Variants in PXDNL observed in about 807,000 individuals in gnomAD.
PXDNL encodes the protein peroxidasin like.
In PXDNL, 145 loss-of-function variants were observed where a neutral mutation model predicts 150.8. The ratio of observed to expected loss-of-function variants is 0.96; its 90% CI spans 0.84 to 1.10. The LOEUF is 1.10. PXDNL is among the 50% of genes least tolerant of loss of function. The probability of loss-of-function intolerance (pLI) is 0.00; values close to 1 mark genes in which losing one functional copy is unlikely to be tolerated. For missense variants in PXDNL, 2,087 were observed against 1,873.9 expected (o/e 1.11, Z -2.10); for synonymous variants, 757 against 725.7 (o/e 1.04, Z -0.69).
rs763172161 is a variant in PXDNL at position 51,744,119 on chromosome 8, A to AAAGAAAGAAAGAAAGAAAGGAAGG, written c.164+65061_164+65062insCCTTCCTTTCTTTCTTTCTTTCTT. 4.2e-4 allele frequency among the ~76,000 whole-genome samples: 15 copies of AAAGAAAGAAAGAAAGAAAGGAAGG among 36,050 alleles called. 1 individual carries two copies. Among genetic ancestry groups the AAAGAAAGAAAGAAAGAAAGGAAGG allele is most frequent in the South Asian group, 1.6e-3 (1 of 640 alleles). 23.7% of individuals were successfully genotyped at this position (36,050 alleles called of 152,430 possible). A position where few individuals can be genotyped will look rare whatever the true frequency, so the allele number is the denominator to read the frequency against. On this transcript the variant is annotated intron_variant, in intron 1 of 22. Transcript: ENST00000356297. Reference sequence around the variant, plus strand: ...GAAAGAAAGAAAGAAAGAAAGAAAGAAAGGAAGAAAGAGAAAGGAAGGAAG... The same window carrying AAAGAAAGAAAGAAAGAAAGGAAGG: ...GAAAGAAAGAAAGAAAGAAAGAAAGAAAGAAAGAAAGAAAGAAAGGAAGGAAGGAAGAAAGAGAAAGGAAGGAAG...
At chr8:51,632,330 G>T (rs1461129383) in intron 2 of PXDNL, among the ~76,000 whole-genome samples, 1 of 152,164 alleles carries the variant, frequency 6.6e-6, no homozygotes, top group Non-Finnish European at 1.5e-5. Flanking sequence ...GCAGGGTGGG[G>T]TGGCTCATGC....
chr8:51,804,434 AT>A (rs1001883991), intron 1 of PXDNL, among the ~76,000 whole-genome samples: 9 of 151,452 alleles, frequency 5.9e-5, no homozygotes, highest in Non-Finnish European at 8.8e-5. Context: ...CCATGATTCA[AT>A]TTTTTTTCTC....
At chr8:51,467,182 T>C (rs900045372) in intron 8 of PXDNL, among the ~76,000 whole-genome samples, 3 of 152,212 alleles carry the variant, frequency 2.0e-5, no homozygotes, top group Non-Finnish European at 4.4e-5. Flanking sequence ...ATGTACTACA[T>C]ACACACCTTG....
chr8:51,684,629 A>G (rs111919095), intron 1 of PXDNL, among the ~76,000 whole-genome samples: 2,067 of 152,324 alleles, frequency 0.014, 28 homozygotes, highest in South Asian at 0.045. Context: ...GACTTAATAA[A>G]TGGGAGTTTA....
At chr8:51,601,617 T>C (rs1401644385) in intron 2 of PXDNL, among the ~76,000 whole-genome samples, 1 of 152,104 alleles carries the variant, frequency 6.6e-6, no homozygotes, top group Non-Finnish European at 1.5e-5. Context: ...TCATCATGTC[T>C]GAGTTGAATC....
intron 2 of PXDNL, among the ~76,000 whole-genome samples, chr8:51,608,002 G>GAAGAAAGAAAGAGAAAGAAAGA (rs1381274367): frequency 3.1e-5 from 2 of 64,690 alleles, no homozygotes; most frequent in African/African-American, 1.7e-4. Context: ...AGGAAGGAAG[G>GAAGAAAGAAAGAGAAAGAAAGA]AAGAAAGAAA....
intron 3 of PXDNL, among the ~76,000 whole-genome samples, chr8:51,574,644 T>TA (rs1246862471): frequency 6.6e-6 from 1 of 150,454 alleles, no homozygotes; most frequent in East Asian, 2.0e-4. Flanking sequence ...ATCAGAAAAC[T>TA]AAAAAAAAAG....
intron 1 of PXDNL, among the ~76,000 whole-genome samples, chr8:51,656,062 AAGG>A (rs1815143733): frequency 6.6e-6 from 1 of 152,236 alleles, no homozygotes; most frequent in African/African-American, 2.4e-5. Flanking sequence ...TGTTAGGCCC[AAGG>A]AGAAGTATAT....
At position 51,334,263 on chromosome 8, in the gene PXDNL, C is replaced by G. The variant is rs188654271; in HGVS notation, c.4146+5361G>C. On this transcript the variant is annotated intron_variant, in intron 21 of 22. Coordinates refer to ENST00000356297, the MANE Select transcript of PXDNL (RefSeq NM_144651.5). ...TCAAGATGGAAATTAAAAAATTCTTCAAACTGAATGACAATAATGACACAA... is the reference window on the plus strand; with the variant it reads ...TCAAGATGGAAATTAAAAAATTCTTGAAACTGAATGACAATAATGACACAA... Among the ~76,000 whole-genome samples the G allele has an allele frequency of 2.5e-3, 386 of 152,174 alleles. 6 individuals are homozygous for G. The highest frequency in any genetic ancestry group is 8.7e-3 in the African/African-American group (360 of 41,536).
intron 4 of PXDNL, among the ~76,000 whole-genome samples, chr8:51,507,659 A>C (rs1811321984): frequency 6.6e-6 from 1 of 152,214 alleles, no homozygotes; most frequent in Non-Finnish European, 1.5e-5. Flanking sequence ...AGCTAGAGCA[A>C]TGGTTTGCAG....
At chr8:51,625,944 C>T (rs1814353304) in intron 2 of PXDNL, among the ~76,000 whole-genome samples, 1 of 152,094 alleles carries the variant, frequency 6.6e-6, no homozygotes, top group Admixed American at 6.6e-5. Flanking sequence ...TGAGCCTTCT[C>T]AAAATAATGA....
chr8:51,716,471 T>C (rs1816618348), intron 1 of PXDNL, among the ~76,000 whole-genome samples: 1 of 152,240 alleles, frequency 6.6e-6, no homozygotes, highest in South Asian at 2.1e-4. Context: ...CTAATTCACT[T>C]CATGCTATGT....
rs1465941606 is a variant in PXDNL at position 51,529,724 on chromosome 8, C to T, written c.380+27116G>A. Among the ~76,000 whole-genome samples the T allele has an allele frequency of 2.6e-5, 4 of 152,182 alleles. 1 individual carries two copies. The highest frequency in any genetic ancestry group is 2.0e-4 in the Admixed American group (3 of 15,284). On this transcript the variant is annotated intron_variant, in intron 4 of 22. Transcript: ENST00000356297. Reference sequence around the variant, plus strand: ...GATGCACACAGCCAGCTACCTGCCCCTAAACATCTGATAGCCACCTGCAGC... The same window carrying T: ...GATGCACACAGCCAGCTACCTGCCCTTAAACATCTGATAGCCACCTGCAGC...
intron 2 of PXDNL, among the ~76,000 whole-genome samples, chr8:51,599,229 T>C (rs577215271): frequency 6.6e-6 from 1 of 152,084 alleles, no homozygotes; most frequent in Non-Finnish European, 1.5e-5. Flanking sequence ...GGTCTCAGTT[T>C]TATTCATTTC....
intron 1 of PXDNL, among the ~76,000 whole-genome samples, chr8:51,802,852 A>C (rs2037635185): frequency 6.6e-6 from 1 of 152,246 alleles, no homozygotes; most frequent in South Asian, 2.1e-4. Context: ...AGGATGTTTA[A>C]GTTATAGTGG....
At chr8:51,653,971 TTACTA>T (rs1815096157) in intron 2 of PXDNL, among the ~76,000 whole-genome samples, 1 of 152,196 alleles carries the variant, frequency 6.6e-6, no homozygotes, top group Non-Finnish European at 1.5e-5. Flanking sequence ...CTTATAGCAC[TTACTA>T]TACATAGGAA....
At chr8:51,425,476 ACTTT>A (rs1463854591) in intron 13 of PXDNL, among the ~76,000 whole-genome samples, 1 of 152,186 alleles carries the variant, frequency 6.6e-6, no homozygotes, top group Non-Finnish European at 1.5e-5. Flanking sequence ...TATTTTTCAC[ACTTT>A]CTATTTTTAG....
intron 5 of PXDNL, among the ~76,000 whole-genome samples, chr8:51,490,657 C>T (rs1810869099): frequency 6.7e-6 from 1 of 148,728 alleles, no homozygotes; most frequent in East Asian, 2.0e-4. Context: ...CATATATATA[C>T]ACATATATAC....
chr8:51,595,486 T>A (rs1254066401), intron 2 of PXDNL, among the ~76,000 whole-genome samples: 1 of 152,188 alleles, frequency 6.6e-6, no homozygotes, highest in Non-Finnish European at 1.5e-5. Flanking sequence ...TCATTATCTC[T>A]ACATTTAAAT....
Sources: allele counts gnomAD v4.1 joint callset (sites outside exome capture counted in the v4.1 genomes callset), GRCh38; gene constraint gnomAD v4.1.1; transcripts MANE v1.5; gene names NCBI Gene and HGNC (gene_info 2026-07-23, HGNC 2026-07-21).